LRRK1: variants seen among roughly 807,000 people sequenced by gnomAD.
LRRK1 encodes the protein leucine-rich repeat serine/threonine-protein kinase 1.
Under a neutral mutation model 209.1 loss-of-function variants are expected in LRRK1, and 113 were observed. The ratio of observed to expected loss-of-function variants is 0.54; its 90% confidence interval spans 0.46 to 0.63. The LOEUF (loss-of-function observed/expected upper bound fraction) is 0.63. Ranked by LOEUF, LRRK1 falls within the 30% of genes least tolerant of loss-of-function variation. The pLI is 0.00. For missense variants in LRRK1, 2,284 were observed against 2,632.2 expected, an observed-to-expected ratio of 0.87 and a Z score of 2.89; for synonymous variants, 1,144 against 1,099.7, an observed-to-expected ratio of 1.04 and a Z score of -0.80.
At chr15:100,948,213 T>C (rs7170345) in intron 2 of LRRK1, among the ~76,000 whole-genome samples, 57,247 of 152,078 alleles carry the variant, frequency 0.38, 10,876 homozygotes, top group East Asian at 0.53. Context: ...TTCCTCCACA[T>C]CTGCCCTTTC....
chr15:100,924,369 A>C (rs570701407), intron 1 of LRRK1, 142 bp from the exon 2 acceptor site: 16 of 464,542 alleles, frequency 3.4e-5, no homozygotes, highest in African/African-American at 2.6e-4. Context: ...CCCACTGACC[A>C]CACCTGATGG....
At chr15:100,998,179 C>CAAA (rs536380783) in intron 6 of LRRK1, among the ~76,000 whole-genome samples, 2 of 88,864 alleles carry the variant, frequency 2.3e-5, no homozygotes, top group Non-Finnish European at 4.7e-5. Flanking sequence ...GACTCTGTCT[C>CAAA]AAAAAAAAAA....
chr15:100,970,878 G>T (rs1030915903), intron 2 of LRRK1, among the ~76,000 whole-genome samples: 2 of 152,036 alleles, frequency 1.3e-5, no homozygotes, highest in African/African-American at 4.8e-5. Context: ...TATGTTTTCA[G>T]CGTACAGATC....
intron 2 of LRRK1, among the ~76,000 whole-genome samples, chr15:100,953,487 T>C (rs7180176): frequency 0.013 from 1,686 of 132,474 alleles, 34 homozygotes; most frequent in African/African-American, 0.045. Flanking sequence ...AGTATTCCAT[T>C]GTGTGTGTGT....
chr15:101,043,520 G>A (rs1763507450), intron 20 of LRRK1, among the ~76,000 whole-genome samples: 1 of 152,182 alleles, frequency 6.6e-6, no homozygotes, highest in African/African-American at 2.4e-5. Context: ...GCAGGTTAGA[G>A]GAGTGAGGAG....
At chr15:101,028,584 G>A (rs1277133713) in intron 19 of LRRK1, among the ~76,000 whole-genome samples, 2 of 152,258 alleles carry the variant, frequency 1.3e-5, no homozygotes, top group South Asian at 2.1e-4. Flanking sequence ...CGCTGGCAAC[G>A]TGCACATTGG....
chr15:100,998,410 C>T (rs891145914), intron 6 of LRRK1, among the ~76,000 whole-genome samples: 3 of 152,170 alleles, frequency 2.0e-5, no homozygotes, highest in African/African-American at 7.2e-5. Flanking sequence ...CACTTGCCCC[C>T]ACCCCAACCT....
At chr15:101,054,855 T>G (rs571858824) in intron 26 of LRRK1, 91 bp from the exon 27 acceptor site, 1 of 1,121,386 alleles carries the variant, frequency 8.9e-7, no homozygotes, top group South Asian at 1.5e-5. Context: ...TCTAGGGAGA[T>G]CGGAAGACAA....
At chr15:100,986,228 A>G (rs993925688) in intron 4 of LRRK1, among the ~76,000 whole-genome samples, 5 of 152,162 alleles carry the variant, frequency 3.3e-5, no homozygotes, top group African/African-American at 1.2e-4. Context: ...AACAAGAAGC[A>G]GCTAGAGAAC....
At chr15:100,947,341 A>T (rs1031114377) in intron 2 of LRRK1, among the ~76,000 whole-genome samples, 1 of 152,228 alleles carries the variant, frequency 6.6e-6, no homozygotes, top group Non-Finnish European at 1.5e-5. Flanking sequence ...ATAAACATAG[A>T]AAATACACTG....
At chr15:101,049,526 G>C in intron 22 of LRRK1, 118 bp from the exon 23 acceptor site, 3 of 1,201,256 alleles carry the variant, frequency 2.5e-6, no homozygotes, top group Non-Finnish European at 3.5e-6. Flanking sequence ...CGGTCCTGCA[G>C]GGCACAGAGT....
At chr15:101,023,310 C>T (rs1013111360) in intron 15 of LRRK1, among the ~76,000 whole-genome samples, 1 of 152,090 alleles carries the variant, frequency 6.6e-6, no homozygotes, top group African/African-American at 2.4e-5. Context: ...AGCCTGGCGA[C>T]AGAGCAAGAC....
intron 2 of LRRK1, among the ~76,000 whole-genome samples, chr15:100,942,772 G>A (rs1335639049): frequency 3.3e-5 from 5 of 152,136 alleles, no homozygotes; most frequent in Non-Finnish European, 5.9e-5. Flanking sequence ...AATTCACGGA[G>A]TAAGCAAGGC....
intron 20 of LRRK1, 43 bp from the exon 21 acceptor site, chr15:101,045,938 G>A: frequency 6.3e-7 from 1 of 1,575,574 alleles, no homozygotes; most frequent in African/African-American, 1.3e-5. Flanking sequence ...CTGCAGTGGA[G>A]CTTGGGCCCC....
At chr15:101,058,407 A>G (rs1346677677) in intron 29 of LRRK1, among the ~76,000 whole-genome samples, 1 of 151,972 alleles carries the variant, frequency 6.6e-6, no homozygotes, top group Non-Finnish European at 1.5e-5. Context: ...GCACTGTGGC[A>G]TGTGCCTACA....
intron 2 of LRRK1, among the ~76,000 whole-genome samples, chr15:100,947,397 ATATCT>A (rs2042563251): frequency 6.6e-6 from 1 of 152,186 alleles, no homozygotes; most frequent in African/African-American, 2.4e-5. Context: ...CAATTATGAG[ATATCT>A]TATTCTGTTT....
intron 3 of LRRK1, 23 bp downstream of exon 3, chr15:100,973,990 G>C: frequency 1.6e-6 from 2 of 1,245,282 alleles, no homozygotes; most frequent in Non-Finnish European, 2.0e-6. Flanking sequence ...CTGCCCCTGC[G>C]GCCACCCATG....
At chr15:100,967,002 T>G (rs1386582808) in intron 2 of LRRK1, among the ~76,000 whole-genome samples, 1 of 152,242 alleles carries the variant, frequency 6.6e-6, no homozygotes, top group East Asian at 1.9e-4. Flanking sequence ...TCATACCTGC[T>G]TGTGCATTCA....
intron 2 of LRRK1, 25 bp downstream of exon 2, chr15:100,924,754 C>T (rs2141591358): frequency 6.3e-7 from 1 of 1,583,598 alleles, no homozygotes; most frequent in Non-Finnish European, 8.7e-7. Flanking sequence ...GTGCTTATGC[C>T]TGCCTGGGTG....
Sources: gnomAD v4.1 joint callset for allele counts (sites outside exome capture counted in the v4.1 genomes callset) on GRCh38, gnomAD v4.1.1 for gene constraint, MANE v1.5 for transcripts, NCBI Gene and HGNC (gene_info 2026-07-23, HGNC 2026-07-21) for gene names.